SRRM3: variants seen among roughly 807,000 people sequenced by gnomAD.
The protein encoded by SRRM3 is serine/arginine repetitive matrix protein 3.
SRRM3 carries 27 observed loss-of-function variants against 66.2 expected under a neutral mutation model. The observed-to-expected ratio is 0.41, with a 90% confidence interval of 0.30 to 0.56. The LOEUF is 0.56. SRRM3 is among the 20% of genes least tolerant of loss of function. The probability of loss-of-function intolerance (pLI) is 0.32; values close to 1 mark genes in which losing one functional copy is unlikely to be tolerated. For synonymous variants in SRRM3, 391 were observed against 414.9 expected (o/e 0.94, Z 0.70); for missense variants, 918 against 991.9 (o/e 0.93, Z 1.00).
At chr7:76,281,279 CTCTT>C (rs1382427863) in intron 11 of SRRM3, among the ~76,000 whole-genome samples, 158 bp from the exon 12 acceptor site, 2 of 151,444 alleles carry the variant, frequency 1.3e-5, no homozygotes, top group Non-Finnish European at 3.0e-5. Context: ...TCTCTCTCCT[CTCTT>C]TCTGTCTCTG....
intron 8 of SRRM3, among the ~76,000 whole-genome samples, chr7:76,262,784 C>T (rs1204453436): frequency 4.6e-5 from 7 of 151,440 alleles, no homozygotes; most frequent in Admixed American, 4.0e-4. Context: ...CCACTGCACT[C>T]CAGTCTGGGC....
Position 76,216,914 on chromosome 7 carries a change from C to T in SRRM3, c.-40+14847C>T, listed in dbSNP as rs1045901408. 9.8e-5 allele frequency among the ~76,000 whole-genome samples: 15 copies of T among 152,320 alleles called. No individual in the cohort carries two copies. The South Asian group carries it at 1.0e-3, about 11-fold the overall frequency. ...GCCCGACTCTCTCTTTGATCTCAGC[C>T]GGCCCAGCAGAAACCTGAGGGGATG... On this transcript the variant is annotated intron_variant, in intron 1 of 14. Coordinates refer to ENST00000611745, the MANE Select transcript of SRRM3 (RefSeq NM_001110199.3).
chr7:76,271,058 A>G (rs565693228), intron 11 of SRRM3, among the ~76,000 whole-genome samples: 1 of 152,094 alleles, frequency 6.6e-6, no homozygotes, highest in East Asian at 1.9e-4. Context: ...GGCCCATCCC[A>G]GGTGATGGTT....
intron 2 of SRRM3, among the ~76,000 whole-genome samples, chr7:76,247,388 T>C (rs1801469029): frequency 6.6e-6 from 1 of 151,558 alleles, no homozygotes; most frequent in Middle Eastern, 3.4e-3. Flanking sequence ...CTTGCAGAAA[T>C]GGGGGTGCTT....
intron 6 of SRRM3, 108 bp downstream of exon 6, chr7:76,261,011 A>G: frequency 8.4e-7 from 1 of 1,197,456 alleles, no homozygotes; most frequent in Non-Finnish European, 1.2e-6. Flanking sequence ...CAGGGCCTGC[A>G]CCTGGACACT....
rs56128249 is a variant in SRRM3 at position 76,235,843 on chromosome 7, T to C, written c.233+544T>C. Among the ~76,000 whole-genome samples the C allele has an allele frequency of 4.4e-3, 664 of 151,296 alleles. 6 individuals carry two copies. Among genetic ancestry groups the C allele is most frequent in the African/African-American group, 0.015 (623 of 41,182 alleles). Reference sequence around the variant, plus strand: ...CAACATGGTGAAAATCCGTCTCTACTAAAAATACAAAAATTAGCCAGGCGT... The same window carrying C: ...CAACATGGTGAAAATCCGTCTCTACCAAAAATACAAAAATTAGCCAGGCGT... On this transcript the variant is annotated intron_variant, in intron 2 of 14. Transcript: ENST00000611745.
In SRRM3 at chr7:76,248,218, G is replaced by T. The variant is rs1554606382; in HGVS notation, c.264G>T (p.Val88=). The change falls in exon 3 of 15, where the codon GTG becomes GTT. Residue 88 remains valine, a synonymous_variant. Transcript: ENST00000611745. ...GYSEEEIRQK[V]GTFRQMLMEK... is the part of the protein sequence containing the mutation. ...CGGAGGAGGAGATTCGGCAGAAAGT[G>T]GGGACATTCCGGCAGATGCTGATGG... The T allele has an allele frequency of 3.7e-6, 6 of 1,613,700 alleles. No homozygotes were observed. In the African/African-American group the frequency reaches 6.7e-5, roughly 18 times the overall value.
intron 8 of SRRM3, among the ~76,000 whole-genome samples, chr7:76,262,318 C>A (rs1032537565): frequency 2.0e-5 from 3 of 151,898 alleles, no homozygotes; most frequent in Non-Finnish European, 4.4e-5. Context: ...CCAGCCTGGA[C>A]AACATGGTGA....
chr7:76,208,792 G>A (rs1356986564), intron 1 of SRRM3, among the ~76,000 whole-genome samples: 2 of 146,018 alleles, frequency 1.4e-5, no homozygotes, highest in African/African-American at 2.6e-5. Context: ...CTGAGATCAC[G>A]CCACTGCACT....
At chr7:76,249,751 C>T (rs943559672) in intron 3 of SRRM3, among the ~76,000 whole-genome samples, 2 of 152,072 alleles carry the variant, frequency 1.3e-5, no homozygotes, top group Non-Finnish European at 2.9e-5. Flanking sequence ...GCTTCTCTGG[C>T]TAGAAGTAAA....
At chr7:76,267,167 G>C in intron 10 of SRRM3, 91 bp from the exon 11 acceptor site, 1 of 1,214,338 alleles carries the variant, frequency 8.2e-7, no homozygotes, top group Non-Finnish European at 1.1e-6. Context: ...CTCTTTCCCC[G>C]TGCTGGGGAA....
chr7:76,218,123 G>A (rs1318804103), intron 1 of SRRM3, among the ~76,000 whole-genome samples: 7 of 152,186 alleles, frequency 4.6e-5, no homozygotes, highest in South Asian at 2.1e-4. Context: ...AGCCTGGAGC[G>A]GGGGTTGGGA....
At chr7:76,271,830 A>G (rs1157810426) in intron 11 of SRRM3, among the ~76,000 whole-genome samples, 1 of 152,098 alleles carries the variant, frequency 6.6e-6, no homozygotes, top group African/African-American at 2.4e-5. Flanking sequence ...CCATCCAGAA[A>G]TCAGCTTCCT....
At chr7:76,219,368 T>A (rs1800656486) in intron 1 of SRRM3, among the ~76,000 whole-genome samples, 1 of 152,222 alleles carries the variant, frequency 6.6e-6, no homozygotes, top group African/African-American at 2.4e-5. Context: ...CTGGGCTGCA[T>A]TACCTGTACT....
In SRRM3 at chr7:76,285,625, C is replaced by G; in HGVS notation, c.1744C>G (p.Arg582Gly). ...EPRRITSARK[R>G]PIPYYRPSPS... ...TTTTCTTCCCGGCAGCGCCCGCAAG[C>G]GTCCTATTCCATACTACCGGCCCAG... Residue 582 changes from arginine to glycine, a missense_variant, in exon 15 of 15, where the codon CGT becomes GGT. Arg to Gly is a moderately radical substitution (Grantham distance 125). Transcript: ENST00000611745. The surrounding 1 kb of genome is among the most constrained non-coding windows in gnomAD (Gnocchi z 4.1). 6.5e-7 allele frequency: 1 copy of G among 1,549,818 alleles called. No individual in the cohort carries two copies. Among genetic ancestry groups the G allele is most frequent in the Non-Finnish European group, 8.7e-7 (1 of 1,146,388 alleles).
At position 76,248,253 on chromosome 7, in the gene SRRM3, G is replaced by A; in HGVS notation, c.299G>A (p.Gly100Glu). Residue 100 changes from glycine to glutamate, a missense_variant, in exon 3 of 15, where the codon GGA (glycine) becomes GAA (glutamate). By Grantham distance (98) the Gly-to-Glu change is moderately conservative. Transcript: ENST00000611745. ...CGGCAGATGCTGATGGAGAAGGAGG[G>A]AGTGCTCACCAGGGAGGACCGGCCT... ...TFRQMLMEKE[G>E]VLTREDRPGG... 1 of 1,613,866 alleles carries A rather than the reference G, an allele frequency of 6.2e-7. No individual in the cohort carries two copies. The highest frequency in any genetic ancestry group is 8.5e-7 in the Non-Finnish European group (1 of 1,179,850).
intron 1 of SRRM3, among the ~76,000 whole-genome samples, chr7:76,206,244 G>A (rs374413579): frequency 3.9e-5 from 6 of 152,292 alleles, no homozygotes; most frequent in East Asian, 1.9e-4. Flanking sequence ...AGAATGTGGC[G>A]TGAGCCACCA....
intron 1 of SRRM3, among the ~76,000 whole-genome samples, chr7:76,209,858 G>A (rs1458116098): frequency 6.6e-6 from 1 of 152,062 alleles, no homozygotes; most frequent in Non-Finnish European, 1.5e-5. Flanking sequence ...CTCCCATCTC[G>A]GGCTCTCAAA....
chr7:76,267,311 G>T lies in SRRM3; in HGVS notation c.884G>T (p.Ser295Ile). 6.5e-7 allele frequency: 1 copy of T among 1,550,160 alleles called. No individual in the cohort carries two copies. Among genetic ancestry groups the T allele is most frequent in the African/African-American group, 1.4e-5 (1 of 69,846 alleles). ...CGAAAGACGGGCAGCCAGCGGTCCA[G>T]CGGAAGCCGGTCGCCTTCCCCGTCG... ...EGRKTGSQRSSGSRSPSPSGG... is the reference protein window; with the variant it reads ...EGRKTGSQRSIGSRSPSPSGG... Residue 295 changes from serine to isoleucine, a missense_variant, in exon 11 of 15, where the codon AGC becomes ATC. Physicochemically the swap from Ser to Ile is moderately radical, Grantham distance 142. Coordinates refer to ENST00000611745, the MANE Select transcript of SRRM3 (RefSeq NM_001110199.3).
Sources: gnomAD v4.1 joint callset for allele counts (sites outside exome capture counted in the v4.1 genomes callset) on GRCh38, gnomAD v4.1.1 for gene constraint, Gnocchi (gnomAD v3.1) non-coding constraint, MANE v1.5 for transcripts, NCBI Gene and HGNC (gene_info 2026-07-23, HGNC 2026-07-21) for gene names.